MUC7: variants seen among roughly 807,000 people sequenced by gnomAD.
MUC7 encodes the protein mucin 7, secreted, also known as mucin-7.
In MUC7, 2 loss-of-function variants were observed where a neutral mutation model predicts 2.5. That is an observed-to-expected ratio of 0.81 (90% CI 0.33 to 2.55). The LOEUF (loss-of-function observed/expected upper bound fraction) is 2.55, where lower values mean the gene tolerates loss of function less well. Ranked by LOEUF, MUC7 falls within the 30% of genes most tolerant of loss-of-function variation. MUC7 has a pLI of 0.11. For synonymous variants in MUC7, 133 were observed against 173.4 expected (o/e 0.77, Z 1.83); for missense variants, 408 against 455.6 (o/e 0.90, Z 0.95).
chr4:70,445,032 A>C (rs1054525124), intron 1 of MUC7, among the ~76,000 whole-genome samples: 1 of 152,162 alleles, frequency 6.6e-6, no homozygotes, highest in Non-Finnish European at 1.5e-5. Flanking sequence ...ACTCTGTCTA[A>C]AAAACAAACA....
chr4:70,481,743 T>C lies in MUC7; in HGVS notation c.999T>C (p.Thr333=). 6.2e-7 allele frequency: 1 copy of C among 1,614,192 alleles called. No homozygotes were observed. Among genetic ancestry groups the C allele is most frequent in the Non-Finnish European group, 8.5e-7 (1 of 1,180,032 alleles). The change falls in exon 3 of 3, where the codon ACT becomes ACC. Residue 333 remains threonine, a synonymous_variant. Coordinates refer to ENST00000304887, the MANE Select transcript of MUC7 (RefSeq NM_152291.3). ...SETSAAPTHQ[T]TTSVTTQTTT... is the part of the protein sequence containing the mutation. The stretch of plus-strand genomic sequence containing the variant: ...CTTCAGCTGCACCCACACACCAGAC[T>C]ACTACTTCGGTCACTACTCAAACTA...
intron 2 of MUC7, among the ~76,000 whole-genome samples, chr4:70,475,444 T>A (rs11249502): frequency 6.6e-6 from 1 of 151,958 alleles, no homozygotes; most frequent in Non-Finnish European, 1.5e-5. Context: ...TAAAACATAC[T>A]TGAAGCCATG....
intron 2 of MUC7, among the ~76,000 whole-genome samples, chr4:70,477,729 A>G (rs1735045005): frequency 6.6e-6 from 1 of 152,152 alleles, no homozygotes; most frequent in South Asian, 2.1e-4. Context: ...CATCCATATA[A>G]TGAAGATAAT....
chr4:70,474,363 A>G lies in MUC7; in HGVS notation c.54+288A>G, dbSNP rs143916886. Among the ~76,000 whole-genome samples the G allele has an allele frequency of 4.2e-3, 638 of 152,040 alleles. 8 individuals are homozygous for G. Among genetic ancestry groups the G allele is most frequent in the African/African-American group, 0.015 (616 of 41,478 alleles). On this transcript the variant is annotated intron_variant, in intron 2 of 2. Transcript: ENST00000304887. ...TATCTCCACAACAACAACAACAACAAAATTTAATTAGCCAGGTGTGGTGGT... is the reference window on the plus strand; with the variant it reads ...TATCTCCACAACAACAACAACAACAGAATTTAATTAGCCAGGTGTGGTGGT...
At chr4:70,459,803 G>A (rs1333648616) in intron 1 of MUC7, among the ~76,000 whole-genome samples, 2 of 152,094 alleles carry the variant, frequency 1.3e-5, no homozygotes, top group Non-Finnish European at 2.9e-5. Flanking sequence ...TCTCCAGGGA[G>A]CCTGGATGTT....
chr4:70,431,402 A>C (rs766924468), intron 1 of MUC7, among the ~76,000 whole-genome samples: 1 of 152,128 alleles, frequency 6.6e-6, no homozygotes, highest in Non-Finnish European at 1.5e-5. Context: ...ATCTTCAAAC[A>C]CAAAGAGTTC....
chr4:70,470,352 CCT>C (rs1369897045), upstream of MUC7, among the ~76,000 whole-genome samples: 2 of 152,020 alleles, frequency 1.3e-5, no homozygotes, highest in African/African-American at 2.4e-5. Context: ...CACATGTATA[CCT>C]ATGTAACAAA....
At chr4:70,462,357 A>AAG (rs1367395035) in intron 1 of MUC7, among the ~76,000 whole-genome samples, 2 of 152,250 alleles carry the variant, frequency 1.3e-5, no homozygotes, top group African/African-American at 4.8e-5. Context: ...ACTTTTTAAA[A>AAG]GCGTTATTAA....
At chr4:70,472,986 C>G (rs139302861) in intron 1 of MUC7, among the ~76,000 whole-genome samples, 2 of 152,280 alleles carry the variant, frequency 1.3e-5, no homozygotes, top group South Asian at 2.1e-4. Context: ...AGACCACATT[C>G]TTCTCTCACT....
chr4:70,463,944 T>G (rs1469214999), intron 1 of MUC7, among the ~76,000 whole-genome samples: 1 of 152,180 alleles, frequency 6.6e-6, no homozygotes, highest in African/African-American at 2.4e-5. Flanking sequence ...AATAATGGAA[T>G]GAGATAGTCA....
intron 1 of MUC7, among the ~76,000 whole-genome samples, chr4:70,439,510 A>T (rs2109703762): frequency 6.6e-6 from 1 of 152,344 alleles, no homozygotes; most frequent in Middle Eastern, 3.4e-3. Context: ...AATGGAGGCC[A>T]CATCATTTAG....
chr4:70,454,434 A>G (rs1734366025), intron 1 of MUC7, among the ~76,000 whole-genome samples: 1 of 152,156 alleles, frequency 6.6e-6, no homozygotes, highest in African/African-American at 2.4e-5. Context: ...CCAGGGAAGC[A>G]CTGAGTCCAA....
intron 1 of MUC7, among the ~76,000 whole-genome samples, chr4:70,459,158 T>C (rs1734485883): frequency 6.6e-6 from 1 of 152,206 alleles, no homozygotes; most frequent in Non-Finnish European, 1.5e-5. Context: ...TAGCATTATA[T>C]TTACATTTAA....
intron 1 of MUC7, among the ~76,000 whole-genome samples, chr4:70,434,225 C>T (rs1052880828): frequency 3.9e-5 from 6 of 152,104 alleles, no homozygotes; most frequent in African/African-American, 1.4e-4. Flanking sequence ...CAGGATGATG[C>T]TGGCCTCATA....
At chr4:70,445,654 AC>A (rs1397156497) in intron 1 of MUC7, among the ~76,000 whole-genome samples, 1 of 152,166 alleles carries the variant, frequency 6.6e-6, no homozygotes, top group Non-Finnish European at 1.5e-5. Flanking sequence ...AAACCCATCC[AC>A]ATAAATCCCA....
In MUC7 at chr4:70,481,241, C is replaced by T. The variant is rs1332696678; in HGVS notation, c.497C>T (p.Thr166Ile). 12 of 1,613,870 alleles carry T rather than the reference C, an allele frequency of 7.4e-6. No individual in the cohort carries two copies. The highest frequency in any genetic ancestry group is 5.5e-5 in the South Asian group (5 of 91,082). ...PVNSPAPQDT[T>I]AAPPTPSATT... ...AATTCCCCAGCTCCACAAGACACCA[C>T]AGCTGCCCCACCCACACCTTCTGCA... is the stretch of plus-strand genomic sequence containing the variant. Residue 166 changes from threonine (T) to isoleucine (I), a missense_variant, in exon 3 of 3, where the codon ACA becomes ATA. By Grantham distance (89) the Thr-to-Ile change is moderately conservative (BLOSUM62 -1). Transcript: ENST00000304887.
intron 1 of MUC7, among the ~76,000 whole-genome samples, chr4:70,440,341 A>T (rs1055092078): frequency 1.3e-5 from 2 of 152,198 alleles, no homozygotes; most frequent in Non-Finnish European, 2.9e-5. Context: ...TTCATGCTCC[A>T]GTGGAGGAAT....
At chr4:70,431,129 A>G (rs1733651738) in intron 1 of MUC7, among the ~76,000 whole-genome samples, 1 of 152,160 alleles carries the variant, frequency 6.6e-6, no homozygotes, top group Non-Finnish European at 1.5e-5. Flanking sequence ...AGAAAAAAAG[A>G]CCACAAAAAT....
intron 2 of MUC7, among the ~76,000 whole-genome samples, chr4:70,476,705 T>G (rs1404861982): frequency 6.6e-6 from 1 of 152,158 alleles, no homozygotes. Flanking sequence ...GAGAATCACT[T>G]GAACTTGGGA....
Sources: allele counts gnomAD v4.1 joint callset (sites outside exome capture counted in the v4.1 genomes callset), GRCh38; gene constraint gnomAD v4.1.1; transcripts MANE v1.5; gene names NCBI Gene and HGNC (gene_info 2026-07-23, HGNC 2026-07-21).